GRM1: variants seen among roughly 807,000 people sequenced by gnomAD.
GRM1 encodes glutamate metabotropic receptor 1.
In GRM1, 33 loss-of-function variants were observed where a neutral mutation model predicts 90.9. That is an observed-to-expected ratio of 0.36 (90% CI 0.28 to 0.49). The LOEUF (loss-of-function observed/expected upper bound fraction) is 0.49. Among genes scored for constraint, GRM1 ranks in the 20% least tolerant of loss-of-function variants. The pLI is 0.99. For missense variants in GRM1, 1,190 were observed against 1,534.3 expected (o/e 0.78, Z 3.75); for synonymous variants, 700 against 613.2 (o/e 1.14, Z -2.09).
intron 2 of GRM1, among the ~76,000 whole-genome samples, chr6:146,223,078 G>A (rs974004148): frequency 2.0e-5 from 3 of 152,004 alleles, no homozygotes; most frequent in African/African-American, 7.2e-5. Flanking sequence ...AGTAAAGCCA[G>A]CTGTAAGCAA....
At chr6:146,255,209 G>T (rs529639894) in intron 2 of GRM1, among the ~76,000 whole-genome samples, 141 of 152,124 alleles carry the variant, frequency 9.3e-4, no homozygotes, top group Non-Finnish European at 1.8e-3. Flanking sequence ...GATATTTTTG[G>T]TACAAACATA....
chr6:146,253,217 A>C (rs937877959), intron 2 of GRM1, among the ~76,000 whole-genome samples: 1 of 152,198 alleles, frequency 6.6e-6, no homozygotes, highest in African/African-American at 2.4e-5. Context: ...TGAAGCATAA[A>C]TTTGCAGAAA....
intron 1 of GRM1, among the ~76,000 whole-genome samples, chr6:146,102,484 T>A (rs765657548): frequency 3.3e-5 from 5 of 152,222 alleles, no homozygotes; most frequent in Non-Finnish European, 7.3e-5. Context: ...CCTTTATCCA[T>A]TTGCTCATTC....
intron 1 of GRM1, among the ~76,000 whole-genome samples, chr6:146,137,503 A>G (rs898520974): frequency 6.6e-6 from 1 of 152,166 alleles, no homozygotes; most frequent in Non-Finnish European, 1.5e-5. Context: ...TGGATTCTCT[A>G]TTCTGTTACA....
intron 2 of GRM1, among the ~76,000 whole-genome samples, chr6:146,207,328 T>C (rs764552147): frequency 6.6e-6 from 1 of 152,200 alleles, no homozygotes; most frequent in Non-Finnish European, 1.5e-5. Flanking sequence ...GATTTGCACT[T>C]CTTTAATGGT....
At chr6:146,187,738 C>CATATATATATATAT (rs10656760) in intron 2 of GRM1, among the ~76,000 whole-genome samples, 52 of 148,518 alleles carry the variant, frequency 3.5e-4, no homozygotes, top group African/African-American at 1.1e-3. Context: ...AGGCACAAAA[C>CATATATATATATAT]ATATATATAT....
At chr6:146,087,444 G>C (rs186955266) in intron 1 of GRM1, among the ~76,000 whole-genome samples, 9 of 152,194 alleles carry the variant, frequency 5.9e-5, no homozygotes, top group South Asian at 4.1e-4. Flanking sequence ...GTGCACTTGT[G>C]TGTGTGTGTC....
intron 2 of GRM1, among the ~76,000 whole-genome samples, chr6:146,199,574 G>A (rs28734879): frequency 0.22 from 33,018 of 152,028 alleles, 7,369 homozygotes; most frequent in African/African-American, 0.57. Context: ...TTGCTTATCA[G>A]ACTCACTGTA....
At chr6:146,294,145 C>T (rs930737077) in intron 2 of GRM1, among the ~76,000 whole-genome samples, 3 of 151,416 alleles carry the variant, frequency 2.0e-5, no homozygotes, top group Non-Finnish European at 3.0e-5. Flanking sequence ...GTGTTCTTTT[C>T]TATTTTCTTA....
At chr6:146,213,737 T>TA (rs75958638) in intron 2 of GRM1, among the ~76,000 whole-genome samples, 2 of 150,520 alleles carry the variant, frequency 1.3e-5, no homozygotes, top group Non-Finnish European at 3.0e-5. Flanking sequence ...GATAGATAGA[T>TA]GGATGAAAGG....
Position 146,386,896 on chromosome 6 carries a change from C to T in GRM1, c.1609C>T (p.Arg537Trp). 2 of 1,607,124 alleles carry T rather than the reference C, an allele frequency of 1.2e-6. No homozygotes were observed. The highest frequency in any genetic ancestry group is 1.7e-6 in the Non-Finnish European group (2 of 1,174,058). ...PCLKGQIKVIRKGEVSCCWIC... is the reference protein window; with the variant it reads ...PCLKGQIKVIWKGEVSCCWIC... ...TGAAATATCTATGTTATAGGTTATA[C>T]GGAAAGGAGAAGTGAGCTGCTGCTG... Residue 537 changes from arginine (R) to tryptophan (W), a missense_variant, in exon 6 of 8, where the codon CGG becomes TGG. Arg to Trp is a moderately radical substitution (Grantham distance 101, BLOSUM62 -3). Around this residue, in one of 10 missense-constraint regions of GRM1, gnomAD observed 414 missense variants for 598.4 expected, o/e 0.69. Coordinates refer to ENST00000282753, the MANE Select transcript of GRM1 (RefSeq NM_001278064.2).
intron 1 of GRM1, among the ~76,000 whole-genome samples, chr6:146,145,891 C>T (rs1191880121): frequency 6.6e-6 from 1 of 151,972 alleles, no homozygotes; most frequent in Non-Finnish European, 1.5e-5. Context: ...ACCATAGGGG[C>T]AGGGCTGTCC....
chr6:146,130,960 T>C (rs1166592453), intron 1 of GRM1, among the ~76,000 whole-genome samples: 3 of 152,226 alleles, frequency 2.0e-5, no homozygotes, highest in Non-Finnish European at 4.4e-5. Flanking sequence ...CAGATGGAAG[T>C]TCTTGCCACT....
At chr6:146,041,368 CCT>C (rs1385278318) in intron 1 of GRM1, among the ~76,000 whole-genome samples, 1 of 151,882 alleles carries the variant, frequency 6.6e-6, no homozygotes, top group Non-Finnish European at 1.5e-5. Flanking sequence ...GTCTTCATTC[CCT>C]GTGTTGGTGT....
intron 1 of GRM1, among the ~76,000 whole-genome samples, chr6:146,125,446 C>G (rs2128878560): frequency 6.6e-6 from 1 of 151,812 alleles, no homozygotes. Context: ...ACTCCTCTTT[C>G]TTTTCTTTCT....
intron 3 of GRM1, among the ~76,000 whole-genome samples, chr6:146,323,290 T>C (rs529384435): frequency 2.4e-4 from 36 of 152,352 alleles, no homozygotes; most frequent in African/African-American, 5.5e-4. Flanking sequence ...TTCTAACTGG[T>C]GTGAAATGAT....
chr6:146,068,340 C>T (rs964124429), intron 1 of GRM1, among the ~76,000 whole-genome samples: 1 of 152,154 alleles, frequency 6.6e-6, no homozygotes, highest in Non-Finnish European at 1.5e-5. Flanking sequence ...GTCTTGATCT[C>T]CTGACCTCAT....
At chr6:146,267,702 G>GCTCGGCTCGTCTCGTCTCGT (rs1781965440) in intron 2 of GRM1, among the ~76,000 whole-genome samples, 44 of 86,118 alleles carry the variant, frequency 5.1e-4, no homozygotes, top group Non-Finnish European at 4.5e-4. Context: ...GCTCGGCTCG[G>GCTCGGCTCGTCTCGTCTCGT]CTCGTCTCGT....
At chr6:146,086,594 T>A (rs775112334) in intron 1 of GRM1, among the ~76,000 whole-genome samples, 22 of 151,878 alleles carry the variant, frequency 1.4e-4, no homozygotes, top group Admixed American at 3.9e-4. Context: ...TTGATTTTAA[T>A]ACCTAAGTTT....
Sources: gnomAD v4.1 joint callset for allele counts (sites outside exome capture counted in the v4.1 genomes callset) on GRCh38, gnomAD v4.1.1 for gene constraint, gnomAD v4.1.1 regional missense constraint, MANE v1.5 for transcripts, NCBI Gene and HGNC (gene_info 2026-07-23, HGNC 2026-07-21) for gene names.